SNX29: variants seen among roughly 807,000 people sequenced by gnomAD.
SNX29 encodes the protein sorting nexin 29, also known as sorting nexin-29.
In SNX29, 78 loss-of-function variants were observed where a neutral mutation model predicts 102.1. That is an observed-to-expected ratio of 0.76 (90% CI 0.64 to 0.92). The LOEUF (loss-of-function observed/expected upper bound fraction) is 0.92, where lower values mean the gene tolerates loss of function less well. Ranked by LOEUF, SNX29 falls within the 40% of genes least tolerant of loss-of-function variation. The pLI is 0.00. For synonymous variants in SNX29, 580 were observed against 414.5 expected, an observed-to-expected ratio of 1.40 and a Z score of -4.85; for missense variants, 1,280 against 1,061.7, an observed-to-expected ratio of 1.21 and a Z score of -2.86.
chr16:12,517,838 C>T (rs141977605), intron 19 of SNX29, among the ~76,000 whole-genome samples: 1 of 152,050 alleles, frequency 6.6e-6, no homozygotes, highest in African/African-American at 2.4e-5. Flanking sequence ...TGGCATGTCC[C>T]GAGAGGTCTC....
At position 12,207,514 on chromosome 16, in the gene SNX29, C is replaced by G. The variant is rs542738092; in HGVS notation, c.1678+7831C>G. Reference sequence around the variant, plus strand: ...TGTGGGTGTTAATTGTATTTCATCTCCGTTCCCGACCCTTCCTGTTCCACC... The same window carrying G: ...TGTGGGTGTTAATTGTATTTCATCTGCGTTCCCGACCCTTCCTGTTCCACC... On this transcript the variant is annotated intron_variant, in intron 14 of 20. Transcript: ENST00000566228. 2.6e-5 allele frequency among the ~76,000 whole-genome samples: 4 copies of G among 152,330 alleles called. No homozygotes were observed. In the East Asian group the frequency reaches 5.8e-4, roughly 22 times the overall value.
chr16:12,032,347 A>G (rs2057369180), intron 4 of SNX29, among the ~76,000 whole-genome samples: 1 of 151,886 alleles, frequency 6.6e-6, no homozygotes, highest in Non-Finnish European at 1.5e-5. Flanking sequence ...AGCTGAGATT[A>G]TAGGCACATG....
chr16:12,196,622 CTTTTTTTTT>C (rs34779383), intron 13 of SNX29, among the ~76,000 whole-genome samples: 1 of 129,668 alleles, frequency 7.7e-6, no homozygotes. Context: ...TTTCTTTTTT[CTTTTTTTTT>C]TTTTTTTGGA....
intron 14 of SNX29, among the ~76,000 whole-genome samples, chr16:12,241,002 G>T (rs1406750423): frequency 2.6e-5 from 4 of 152,052 alleles, no homozygotes; most frequent in African/African-American, 9.7e-5. Context: ...ATCAAATCCG[G>T]TGACTTTTTT....
intron 14 of SNX29, among the ~76,000 whole-genome samples, chr16:12,220,355 A>T (rs564499612): frequency 1.3e-5 from 2 of 152,050 alleles, no homozygotes; most frequent in South Asian, 4.2e-4. Flanking sequence ...AGAGCAACAG[A>T]TTCACAGGCA....
intron 15 of SNX29, among the ~76,000 whole-genome samples, chr16:12,317,243 G>A (rs2080776678): frequency 6.6e-6 from 1 of 152,198 alleles, no homozygotes; most frequent in Non-Finnish European, 1.5e-5. Flanking sequence ...GCTGCTGGCT[G>A]TCACTCCCTC....
intron 19 of SNX29, among the ~76,000 whole-genome samples, chr16:12,514,914 AAG>A (rs762203162): frequency 2.1e-5 from 3 of 143,562 alleles, no homozygotes; most frequent in Admixed American, 6.9e-5. Context: ...GAGAGAAAGA[AAG>A]AGAGAAAGAA....
chr16:12,221,433 G>A (rs1232810790), intron 14 of SNX29, among the ~76,000 whole-genome samples: 1 of 152,166 alleles, frequency 6.6e-6, no homozygotes, highest in Non-Finnish European at 1.5e-5. Flanking sequence ...TGGCCATCAT[G>A]GTAAAACCCC....
At chr16:12,152,314 G>A (rs1366271443) in intron 13 of SNX29, among the ~76,000 whole-genome samples, 1 of 152,156 alleles carries the variant, frequency 6.6e-6, no homozygotes, top group Non-Finnish European at 1.5e-5. Flanking sequence ...GTGGTACCAA[G>A]CACATGTTGG....
At chr16:12,348,279 C>T (rs1597020748) in intron 15 of SNX29, among the ~76,000 whole-genome samples, 2 of 152,160 alleles carry the variant, frequency 1.3e-5, no homozygotes, top group African/African-American at 2.4e-5. Context: ...AAGCTGTTGT[C>T]GGTGTTGCCT....
chr16:12,252,469 G>A (rs184001767), intron 14 of SNX29, among the ~76,000 whole-genome samples: 1 of 152,316 alleles, frequency 6.6e-6, no homozygotes, highest in East Asian at 1.9e-4. Flanking sequence ...GAACACACAT[G>A]CTTCCTTGGA....
At chr16:12,203,770 C>T (rs1459934343) in intron 14 of SNX29, among the ~76,000 whole-genome samples, 2 of 152,224 alleles carry the variant, frequency 1.3e-5, no homozygotes, top group African/African-American at 2.4e-5. Context: ...GACGTGAGAG[C>T]TTGCTCTGTG....
intron 15 of SNX29, among the ~76,000 whole-genome samples, chr16:12,342,552 G>C (rs187546166): frequency 6.6e-6 from 1 of 152,300 alleles, no homozygotes; most frequent in Admixed American, 6.5e-5. Context: ...GGAAGTTGTA[G>C]GGATGTGCCC....
intron 18 of SNX29, among the ~76,000 whole-genome samples, chr16:12,451,436 T>C (rs1436881785): frequency 2.0e-5 from 3 of 152,254 alleles, no homozygotes; most frequent in African/African-American, 7.2e-5. Context: ...AACCATTTAA[T>C]GATCCGGTGG....
At chr16:12,054,263 G>A (rs1301771649) in intron 8 of SNX29, among the ~76,000 whole-genome samples, 1 of 152,238 alleles carries the variant, frequency 6.6e-6, no homozygotes, top group Non-Finnish European at 1.5e-5. Flanking sequence ...ACTGTGCCCA[G>A]CTATTCTGTC....
chr16:12,059,055 C>T (rs1010347719), intron 8 of SNX29, among the ~76,000 whole-genome samples: 2 of 152,084 alleles, frequency 1.3e-5, no homozygotes, highest in African/African-American at 2.4e-5. Context: ...AAATGTGAGC[C>T]ACTGGCCTGG....
chr16:12,247,468 C>T (rs903251738), intron 14 of SNX29, among the ~76,000 whole-genome samples: 3 of 152,198 alleles, frequency 2.0e-5, no homozygotes, highest in African/African-American at 2.4e-5. Context: ...TTCCGACTTA[C>T]AGCAGCTCCT....
chr16:12,133,281 G>GTTTTTTT (rs57733463), intron 13 of SNX29, among the ~76,000 whole-genome samples: 11 of 66,900 alleles, frequency 1.6e-4, no homozygotes, highest in Middle Eastern at 0.013. Context: ...CTTAGTGTGG[G>GTTTTTTT]TTTTTTTTTT....
intron 13 of SNX29, among the ~76,000 whole-genome samples, chr16:12,186,834 G>A (rs758918147): frequency 6.6e-6 from 1 of 152,144 alleles, no homozygotes; most frequent in Non-Finnish European, 1.5e-5. Flanking sequence ...GGAACTCAAG[G>A]CTTTTAATCC....
Sources: gnomAD v4.1 joint callset for allele counts (sites outside exome capture counted in the v4.1 genomes callset) on GRCh38, gnomAD v4.1.1 for gene constraint, MANE v1.5 for transcripts, NCBI Gene and HGNC (gene_info 2026-07-23, HGNC 2026-07-21) for gene names.